Variants in CUX1 observed in about 807,000 individuals in gnomAD.
CUX1 encodes protein CASP.
CUX1 carries 31 observed loss-of-function variants against 158.8 expected under a neutral mutation model. The observed-to-expected ratio is 0.20, with a 90% CI of 0.15 to 0.26. CUX1 has a LOEUF of 0.26. Ranked by LOEUF, CUX1 falls within the 10% of genes least tolerant of loss-of-function variation. The probability of loss-of-function intolerance (pLI) is 1.00; values close to 1 mark genes in which losing one functional copy is unlikely to be tolerated. For synonymous variants in CUX1, 879 were observed against 862.1 expected (o/e 1.02, Z -0.34); for missense variants, 1,589 against 2,014.6 (o/e 0.79, Z 4.04).
intron 2 of CUX1, among the ~76,000 whole-genome samples, chr7:102,018,642 T>C (rs1818964257): frequency 6.6e-6 from 1 of 152,216 alleles, no homozygotes; most frequent in Admixed American, 6.5e-5. Flanking sequence ...CCCTTGACAA[T>C]GAGCAGTTCT....
chr7:102,254,804 T>C lies in CUX1; in HGVS notation c.*5762T>C. On this transcript the variant is annotated 3_prime_UTR_variant, in exon 24 of 24. Transcript: ENST00000292535. ...GATGTGGTTGGATCTCAGCGTGTAC[T>C]GAATGCCAGTCTGGCCGGCACACTC... 3.0e-6 allele frequency: 3 copies of C among 985,472 alleles called. No individual in the cohort carries two copies. The highest frequency in any genetic ancestry group is 3.6e-6 in the Non-Finnish European group (3 of 829,944). 61.0% of individuals were successfully genotyped at this position (985,472 alleles called of 1,614,324 possible). A position where few individuals can be genotyped will look rare whatever the true frequency, so the allele number is the denominator to read the frequency against.
At chr7:101,886,960 C>T (rs946462626) in intron 1 of CUX1, among the ~76,000 whole-genome samples, 3 of 152,200 alleles carry the variant, frequency 2.0e-5, no homozygotes, top group African/African-American at 7.2e-5. Flanking sequence ...GGATGGCCCC[C>T]ACCCTGCTGA....
At chr7:101,992,790 C>T (rs1326378958) in intron 2 of CUX1, among the ~76,000 whole-genome samples, 1 of 151,714 alleles carries the variant, frequency 6.6e-6, no homozygotes, top group Non-Finnish European at 1.5e-5. Flanking sequence ...CGCCGCCCCC[C>T]TCCAACCCCC....
At chr7:101,817,621 C>T (rs1326332132), upstream of CUX1, 2 of 1,548,948 alleles carry the variant, frequency 1.3e-6, no homozygotes, top group Admixed American at 2.0e-5. The surrounding 1 kb of genome is among the most constrained non-coding windows in gnomAD (Gnocchi z 4.1). Context: ...CGGGACAGCC[C>T]CGGGACTCTG....
In CUX1 at chr7:102,239,489, G is replaced by T; in HGVS notation, c.3792G>T (p.Gln1264His). The T allele has an allele frequency of 6.2e-7, 1 of 1,614,158 alleles. No homozygotes were observed. The highest frequency in any genetic ancestry group is 1.3e-5 in the African/African-American group (1 of 75,052). ...AGGAGGCGCTGAAACGAGCGTATCAGCAAAAGCCATACCCGTCACCAAAAA... is the reference window on the plus strand; with the variant it reads ...AGGAGGCGCTGAAACGAGCGTATCATCAAAAGCCATACCCGTCACCAAAAA... ...EEKEALKRAY[Q>H]QKPYPSPKTI... is the part of the protein sequence containing the mutation. Residue 1264 changes from glutamine to histidine, a missense_variant, in exon 23 of 24, where the codon CAG (glutamine) becomes CAT (histidine). Transcript: ENST00000292535.
intron 1 of CUX1, among the ~76,000 whole-genome samples, chr7:101,865,990 C>A (rs564862375): frequency 2.0e-5 from 3 of 152,224 alleles, no homozygotes; most frequent in African/African-American, 7.2e-5. Context: ...CATATGGGAC[C>A]CTTTATTGCA....
chr7:102,252,386 G>T lies in CUX1; in HGVS notation c.*3344G>T. 1 of 985,476 alleles carries T rather than the reference G, an allele frequency of 1.0e-6. No individual in the cohort carries two copies. Among genetic ancestry groups the T allele is most frequent in the African/African-American group, 1.7e-5 (1 of 57,334 alleles). The allele number at this position is 985,476 out of a possible 1,614,324, so 61.0% of individuals were successfully genotyped here. A position where few individuals can be genotyped will look rare whatever the true frequency, so the allele number is the denominator to read the frequency against. On this transcript the variant is annotated 3_prime_UTR_variant, in exon 24 of 24. Coordinates refer to ENST00000292535, the MANE Select transcript of CUX1 (RefSeq NM_181552.4). ...CAAGCAGTGGCCCCCGCAGGCAGCCGACCCCCTTCCTCTTCACGCTCTATG... is the reference window on the plus strand; with the variant it reads ...CAAGCAGTGGCCCCCGCAGGCAGCCTACCCCCTTCCTCTTCACGCTCTATG...
At position 102,256,172 on chromosome 7, in the gene CUX1, T is replaced by C; in HGVS notation, c.*7130T>C. 1 of 985,444 alleles carries C rather than the reference T, an allele frequency of 1.0e-6. No individual in the cohort carries two copies. Among genetic ancestry groups the C allele is most frequent in the Non-Finnish European group, 1.2e-6 (1 of 829,942 alleles). 61.0% of individuals were successfully genotyped at this position (985,444 alleles called of 1,614,324 possible). ...GACGAGGCAGGATAGGGAGTATCCG[T>C]GATTCAGAAGCTGAGACCCTTCCCC... On this transcript the variant is annotated 3_prime_UTR_variant, in exon 24 of 24. Transcript: ENST00000292535.
chr7:101,846,421 C>T (rs558309911), intron 1 of CUX1, among the ~76,000 whole-genome samples: 4 of 152,180 alleles, frequency 2.6e-5, no homozygotes, highest in South Asian at 2.1e-4. Context: ...TGGGATCAAG[C>T]GATCCTCCCA....
At chr7:102,195,752 CCCT>C (rs1431079821) in intron 14 of CUX1, 149 bp downstream of exon 14, 9 of 672,710 alleles carry the variant, frequency 1.3e-5, no homozygotes, top group Non-Finnish European at 2.2e-5. Flanking sequence ...GTGTTGGGTG[CCCT>C]CCTCCTCACC....
intron 5 of CUX1, among the ~76,000 whole-genome samples, chr7:102,100,714 C>G (rs142473378): frequency 1.4e-4 from 21 of 151,986 alleles, no homozygotes; most frequent in African/African-American, 4.8e-4. Flanking sequence ...TGCCTATAAT[C>G]CTAGCACTTT....
chr7:102,162,775 C>T (rs116673386), intron 9 of CUX1, among the ~76,000 whole-genome samples: 9,789 of 152,156 alleles, frequency 0.064, 436 homozygotes, highest in African/African-American at 0.11. Context: ...CTCTGCCTCC[C>T]AAAGTTCTGG....
At chr7:101,831,673 A>G (rs1794032718) in intron 1 of CUX1, among the ~76,000 whole-genome samples, 1 of 152,094 alleles carries the variant, frequency 6.6e-6, no homozygotes, top group Non-Finnish European at 1.5e-5. Context: ...CAGACGGAGC[A>G]GGACTGATAC....
chr7:102,080,471 C>A (rs1827253597), intron 4 of CUX1, among the ~76,000 whole-genome samples: 1 of 152,156 alleles, frequency 6.6e-6, no homozygotes, highest in South Asian at 2.1e-4. Flanking sequence ...GTAGCGTCTG[C>A]CGCATTGTGA....
chr7:101,916,146 C>T lies in CUX1; in HGVS notation c.62C>T (p.Ala21Val), dbSNP rs779702615. 24 of 1,613,562 alleles carry T rather than the reference C, an allele frequency of 1.5e-5. No homozygotes were observed. Among genetic ancestry groups the T allele is most frequent in the East Asian group, 2.2e-5 (1 of 44,876 alleles). ...CTCGATGCCACCGCAACGGTATTGG[C>T]GAACCGGCAGGATGAAAGTGAGCAG... ...RELDATATVLANRQDESEQSR... is the reference protein window; with the variant it reads ...RELDATATVLVNRQDESEQSR... Residue 21 changes from alanine (A) to valine (V), a missense_variant, in exon 2 of 24, where the codon GCG becomes GTG. Transcript: ENST00000292535. The surrounding 1 kb of genome is among the most constrained non-coding windows in gnomAD (Gnocchi z 4.4).
chr7:102,048,322 G>T (rs1823064797), intron 3 of CUX1, among the ~76,000 whole-genome samples: 1 of 152,094 alleles, frequency 6.6e-6, no homozygotes, highest in African/African-American at 2.4e-5. Context: ...CCTCCAATGA[G>T]TGTCCCCCAC....
At chr7:101,954,954 T>G (rs1173610798) in intron 2 of CUX1, among the ~76,000 whole-genome samples, 1 of 152,170 alleles carries the variant, frequency 6.6e-6, no homozygotes, top group East Asian at 1.9e-4. Flanking sequence ...GGCGATCACC[T>G]GAGGCCAGGA....
intron 8 of CUX1, among the ~76,000 whole-genome samples, chr7:102,150,727 T>G (rs111855204): frequency 9.2e-5 from 14 of 152,230 alleles, no homozygotes; most frequent in Non-Finnish European, 1.6e-4. Flanking sequence ...CCATGTCCTT[T>G]TCAGTTCCTC....
At chr7:102,064,994 G>A (rs1264213140) in intron 3 of CUX1, among the ~76,000 whole-genome samples, 1 of 152,202 alleles carries the variant, frequency 6.6e-6, no homozygotes, top group Admixed American at 6.5e-5. Context: ...GTCACTGGCT[G>A]CAGCAGGGAA....
Sources: allele counts gnomAD v4.1 joint callset (sites outside exome capture counted in the v4.1 genomes callset), GRCh38; gene constraint gnomAD v4.1.1; non-coding constraint Gnocchi (gnomAD v3.1); transcripts MANE v1.5; gene names NCBI Gene and HGNC (gene_info 2026-07-23, HGNC 2026-07-21).